Variants in ST6GALNAC5 observed in about 807,000 individuals in gnomAD.
ST6GALNAC5 encodes the protein ST6 N-acetylgalactosaminide alpha-2,6-sialyltransferase 5.
Under a neutral mutation model 33.6 loss-of-function variants are expected in ST6GALNAC5, and 27 were observed. The ratio of observed to expected loss-of-function variants is 0.80; its 90% CI spans 0.59 to 1.11. The LOEUF is 1.11. Among genes scored for constraint, ST6GALNAC5 ranks in the 50% least tolerant of loss-of-function variants. ST6GALNAC5 has a pLI of 0.00. For synonymous variants in ST6GALNAC5, 194 were observed against 171.2 expected (o/e 1.13, Z -1.04); for missense variants, 428 against 454.0 (o/e 0.94, Z 0.52).
intron 2 of ST6GALNAC5, among the ~76,000 whole-genome samples, chr1:76,891,778 G>T (rs554995153): frequency 6.6e-6 from 1 of 152,284 alleles, no homozygotes; most frequent in South Asian, 2.1e-4. Flanking sequence ...GAGAGGTCCA[G>T]CTTCATCTCT....
intron 2 of ST6GALNAC5, among the ~76,000 whole-genome samples, chr1:76,878,906 C>G (rs1366367669): frequency 6.6e-6 from 1 of 152,154 alleles, no homozygotes; most frequent in East Asian, 1.9e-4. Flanking sequence ...CCTCTGCTGT[C>G]CATTAAGGTA....
At chr1:76,954,992 G>A (rs74860816) in intron 2 of ST6GALNAC5, among the ~76,000 whole-genome samples, 5,886 of 152,192 alleles carry the variant, frequency 0.039, 414 homozygotes, top group African/African-American at 0.13. Context: ...ATACAGCAAT[G>A]AGCAAAACAG....
intron 2 of ST6GALNAC5, among the ~76,000 whole-genome samples, chr1:76,981,351 C>T (rs1455187942): frequency 3.3e-5 from 5 of 152,218 alleles, no homozygotes; most frequent in South Asian, 2.1e-4. Context: ...GTGCCTGGCT[C>T]GATGGGTCCC....
chr1:76,874,305 C>T (rs1653577177), intron 2 of ST6GALNAC5, among the ~76,000 whole-genome samples: 1 of 152,186 alleles, frequency 6.6e-6, no homozygotes, highest in Non-Finnish European at 1.5e-5. Flanking sequence ...ATAGGGTCTT[C>T]TGCACTTGTT....
intron 2 of ST6GALNAC5, among the ~76,000 whole-genome samples, chr1:76,979,660 C>T (rs1167799715): frequency 6.6e-6 from 1 of 152,186 alleles, no homozygotes; most frequent in Non-Finnish European, 1.5e-5. Context: ...GGCATGGTAG[C>T]TCATGCCTGT....
intron 2 of ST6GALNAC5, among the ~76,000 whole-genome samples, chr1:77,016,065 C>T (rs1650821326): frequency 6.7e-6 from 1 of 148,608 alleles, no homozygotes; most frequent in South Asian, 2.2e-4. Flanking sequence ...TCATCTACCC[C>T]CACATCCCCT....
chr1:77,046,976 G>C (rs1240642968), intron 3 of ST6GALNAC5, among the ~76,000 whole-genome samples: 1 of 152,152 alleles, frequency 6.6e-6, no homozygotes, highest in East Asian at 1.9e-4. Context: ...GGCATATCCT[G>C]CTCACTAAAT....
chr1:76,930,127 A>G (rs980733646), intron 2 of ST6GALNAC5, among the ~76,000 whole-genome samples: 5 of 152,114 alleles, frequency 3.3e-5, no homozygotes, highest in Admixed American at 1.3e-4. Context: ...CTTCACTTCA[A>G]ATCCTGATCC....
At chr1:77,005,076 C>T (rs1196734974) in intron 2 of ST6GALNAC5, among the ~76,000 whole-genome samples, 7 of 151,682 alleles carry the variant, frequency 4.6e-5, no homozygotes, top group Non-Finnish European at 8.9e-5. Context: ...CAATGGCGGG[C>T]GCCCCTCCCC....
intron 2 of ST6GALNAC5, among the ~76,000 whole-genome samples, chr1:76,960,613 A>T (rs562071972): frequency 7.9e-5 from 12 of 152,186 alleles, no homozygotes; most frequent in African/African-American, 2.9e-4. Context: ...TTTCATCCCT[A>T]CAGCTTCGAC....
chr1:76,946,515 T>C (rs981799408), intron 2 of ST6GALNAC5, among the ~76,000 whole-genome samples: 1 of 152,132 alleles, frequency 6.6e-6, no homozygotes, highest in Non-Finnish European at 1.5e-5. Context: ...GGGTCAAGAA[T>C]GGTTCCAAGT....
intron 2 of ST6GALNAC5, among the ~76,000 whole-genome samples, chr1:76,960,960 G>T (rs181346704): frequency 2.0e-4 from 31 of 152,192 alleles, no homozygotes; most frequent in East Asian, 1.5e-3. Flanking sequence ...CTCATCTTAC[G>T]AAGATGATGG....
chr1:77,048,159 A>G (rs1652078863), intron 3 of ST6GALNAC5, among the ~76,000 whole-genome samples: 1 of 152,204 alleles, frequency 6.6e-6, no homozygotes, highest in African/African-American at 2.4e-5. Context: ...GTGCAGCCAC[A>G]TCCTCCTGTA....
At chr1:76,904,424 A>G (rs886634239) in intron 2 of ST6GALNAC5, among the ~76,000 whole-genome samples, 1 of 152,218 alleles carries the variant, frequency 6.6e-6, no homozygotes, top group African/African-American at 2.4e-5. Flanking sequence ...CAATATTTGA[A>G]CAAATAAATT....
At chr1:76,889,141 T>A (rs1218701701) in intron 2 of ST6GALNAC5, among the ~76,000 whole-genome samples, 1 of 152,246 alleles carries the variant, frequency 6.6e-6, no homozygotes, top group East Asian at 1.9e-4. Context: ...CATTTATAAG[T>A]GATTTAATTA....
chr1:76,893,654 T>C (rs758670178), intron 2 of ST6GALNAC5, among the ~76,000 whole-genome samples: 1 of 152,084 alleles, frequency 6.6e-6, no homozygotes, highest in Non-Finnish European at 1.5e-5. Flanking sequence ...TTTATTTACT[T>C]TTATTTACTT....
chr1:77,018,443 T>TTAC (rs774766344), intron 2 of ST6GALNAC5, among the ~76,000 whole-genome samples: 1 of 152,174 alleles, frequency 6.6e-6, no homozygotes, highest in Non-Finnish European at 1.5e-5. Context: ...TAGAGAACTG[T>TTAC]TACTGTACAC....
At chr1:76,883,624 T>C (rs898681394) in intron 2 of ST6GALNAC5, among the ~76,000 whole-genome samples, 5 of 152,220 alleles carry the variant, frequency 3.3e-5, no homozygotes, top group African/African-American at 1.2e-4. Context: ...GATGCAATGA[T>C]GCCCATATTT....
intron 2 of ST6GALNAC5, among the ~76,000 whole-genome samples, chr1:77,028,541 C>G (rs2100445267): frequency 6.6e-6 from 1 of 152,342 alleles, no homozygotes; most frequent in Middle Eastern, 3.4e-3. Flanking sequence ...TATTGAGTGT[C>G]TTTTATATTT....
Sources: allele counts gnomAD v4.1 joint callset (sites outside exome capture counted in the v4.1 genomes callset), GRCh38; gene constraint gnomAD v4.1.1; transcripts MANE v1.5; gene names NCBI Gene and HGNC (gene_info 2026-07-23, HGNC 2026-07-21).